The following PDZD2 variants were observed in gnomAD, a reference collection of about 807,000 sequenced individuals.
PDZD2 encodes the protein PDZ domain-containing protein 2.
Under a neutral mutation model 220.7 loss-of-function variants are expected in PDZD2, and 90 were observed. The observed-to-expected ratio is 0.41, with a 90% CI of 0.34 to 0.49. The LOEUF (loss-of-function observed/expected upper bound fraction) is 0.49. Ranked by LOEUF, PDZD2 falls within the 20% of genes least tolerant of loss-of-function variation. PDZD2 has a pLI of 0.28. For missense variants in PDZD2, 3,174 were observed against 3,608.5 expected (o/e 0.88, Z 3.08); for synonymous variants, 1,375 against 1,450.5 (o/e 0.95, Z 1.18).
At chr5:31,763,459 C>T (rs1305421632) in intron 1 of PDZD2, among the ~76,000 whole-genome samples, 2 of 152,048 alleles carry the variant, frequency 1.3e-5, no homozygotes, top group Non-Finnish European at 2.9e-5. Flanking sequence ...AACCACCTAC[C>T]GCAAGGACAG....
At position 31,983,636 on chromosome 5, in the gene PDZD2, TC is replaced by T. The variant is rs781430864; in HGVS notation, c.959del (p.Ser320Ter). 1 of 1,613,590 alleles carries T rather than the reference TC, an allele frequency of 6.2e-7. No homozygotes were observed. Among genetic ancestry groups the T allele is most frequent in the East Asian group, 2.2e-5 (1 of 44,868 alleles). On this transcript the variant is annotated frameshift_variant, in exon 3 of 25. Transcript: ENST00000438447. LOFTEE classifies it high-confidence loss of function. Reference sequence around the variant, plus strand: ...AAAAGGTGGGAAGACGGACTTCCAATCGAGTGACTGCCTGGCACGGGTAAGG... The same window carrying T: ...AAAAGGTGGGAAGACGGACTTCCAATGAGTGACTGCCTGGCACGGGTAAGG... Reference protein sequence around the residue: ...FSKGGKTDFQSSDCLAREEVG... With the variant: ...FSKGGKTDFQXSDCLAREEVG...
intron 2 of PDZD2, among the ~76,000 whole-genome samples, chr5:31,812,371 G>T (rs1039439953): frequency 2.0e-4 from 30 of 152,196 alleles, no homozygotes; most frequent in African/African-American, 6.8e-4. Context: ...TCGAATGTCA[G>T]AGAGTCCCAT....
chr5:31,645,737 A>G (rs971537961), intron 1 of PDZD2, among the ~76,000 whole-genome samples: 3 of 152,148 alleles, frequency 2.0e-5, no homozygotes, highest in African/African-American at 4.8e-5. Flanking sequence ...TCCTGGCCTC[A>G]GGACAGCCAT....
At chr5:31,966,325 C>T (rs1748753184) in intron 2 of PDZD2, among the ~76,000 whole-genome samples, 2 of 152,110 alleles carry the variant, frequency 1.3e-5, no homozygotes, top group African/African-American at 4.8e-5. Flanking sequence ...TTTATAAAAC[C>T]CACGTTAGTT....
chr5:31,943,110 G>A (rs1746349097), intron 2 of PDZD2, among the ~76,000 whole-genome samples: 1 of 152,080 alleles, frequency 6.6e-6, no homozygotes, highest in African/African-American at 2.4e-5. Flanking sequence ...GGCTGAGGCA[G>A]GAGAATCTCT....
rs1415028726 is a variant in PDZD2 at position 32,072,307 on chromosome 5, C to T, written c.2715C>T (p.Pro905=). The change falls in exon 17 of 25, where the codon CCC becomes CCT. Residue 905 remains proline (P), a synonymous_variant. Coordinates refer to ENST00000438447, the MANE Select transcript of PDZD2 (RefSeq NM_178140.4). ...CSTSEEGSLP[P]STSTHKEPGK... is the part of the protein sequence containing the mutation. ...CGTCGGAGGAGGGCAGCCTGCCTCCCAGCACCTCCAGTAAGCAGGGGTGCC... is the reference window on the plus strand; with the variant it reads ...CGTCGGAGGAGGGCAGCCTGCCTCCTAGCACCTCCAGTAAGCAGGGGTGCC... 1.2e-6 allele frequency: 2 copies of T among 1,611,790 alleles called. No homozygotes were observed. The highest frequency in any genetic ancestry group is 3.3e-5 in the Admixed American group (2 of 59,868).
At chr5:31,791,776 C>T (rs28420168) in intron 1 of PDZD2, among the ~76,000 whole-genome samples, 2,550 of 152,118 alleles carry the variant, frequency 0.017, 66 homozygotes, top group African/African-American at 0.058. Flanking sequence ...CTTTCCAGTC[C>T]GCAACTTTCA....
intron 4 of PDZD2, among the ~76,000 whole-genome samples, chr5:31,997,964 T>G (rs1194045701): frequency 6.6e-6 from 1 of 152,120 alleles, no homozygotes; most frequent in African/African-American, 2.4e-5. Context: ...TGCCTCCACC[T>G]CCCAAGTAGC....
At chr5:32,091,447 G>C (rs1187319689) in intron 20 of PDZD2, among the ~76,000 whole-genome samples, 1 of 151,802 alleles carries the variant, frequency 6.6e-6, no homozygotes, top group African/African-American at 2.4e-5. Context: ...ACCACACCTG[G>C]CTAATTTTTG....
intron 2 of PDZD2, among the ~76,000 whole-genome samples, chr5:31,966,117 C>T (rs1748725375): frequency 6.6e-6 from 1 of 152,130 alleles, no homozygotes; most frequent in Admixed American, 6.5e-5. Flanking sequence ...AGTTGAATCC[C>T]AGCTCTACTG....
intron 1 of PDZD2, among the ~76,000 whole-genome samples, chr5:31,771,381 G>C (rs1183641907): frequency 6.6e-6 from 1 of 152,212 alleles, no homozygotes; most frequent in Non-Finnish European, 1.5e-5. Flanking sequence ...TATGCATGGG[G>C]CACTGGGTTT....
intron 2 of PDZD2, among the ~76,000 whole-genome samples, chr5:31,899,610 GTTAC>G (rs1741902021): frequency 6.6e-6 from 1 of 152,212 alleles, no homozygotes; most frequent in Non-Finnish European, 1.5e-5. Context: ...CCTTGGATGA[GTTAC>G]TTATTTTCAC....
chr5:32,004,105 G>A (rs1274829519), intron 5 of PDZD2, among the ~76,000 whole-genome samples: 5 of 138,976 alleles, frequency 3.6e-5, no homozygotes, highest in Admixed American at 7.4e-5. Flanking sequence ...AAAAAAAAAG[G>A]TGGGGGGGCC....
At chr5:31,670,892 G>A (rs926298335) in intron 1 of PDZD2, among the ~76,000 whole-genome samples, 8 of 152,096 alleles carry the variant, frequency 5.3e-5, no homozygotes, top group African/African-American at 1.4e-4. Flanking sequence ...TCTGTGGATC[G>A]CTAAGAGTCT....
intron 3 of PDZD2, among the ~76,000 whole-genome samples, chr5:31,989,421 C>CTTT (rs869045113): frequency 1.5e-4 from 18 of 119,900 alleles, no homozygotes; most frequent in East Asian, 2.6e-4. Flanking sequence ...ATTTTCTTTT[C>CTTT]TTTTTTTTTT....
In PDZD2 at chr5:31,773,871, G is replaced by A. The variant is rs1206204064; in HGVS notation, c.-360-25018G>A. Among the ~76,000 whole-genome samples, 5 of 152,252 alleles carry A rather than the reference G, an allele frequency of 3.3e-5. No individual in the cohort carries two copies. The East Asian group carries it at 9.7e-4, about 29-fold the overall frequency. On this transcript the variant is annotated intron_variant, in intron 1 of 24. Coordinates refer to ENST00000438447, the MANE Select transcript of PDZD2 (RefSeq NM_178140.4). ...TGGGAGAGCACCCAATCATGGCAAG[G>A]ATACAGTGAGATCATAGATGGAAGA... is the stretch of plus-strand genomic sequence containing the variant.
At chr5:31,705,702 A>T (rs1420006312) in intron 1 of PDZD2, among the ~76,000 whole-genome samples, 1 of 152,250 alleles carries the variant, frequency 6.6e-6, no homozygotes, top group East Asian at 1.9e-4. Context: ...AAATGGAAGA[A>T]ATCAGGGCAA....
At chr5:31,687,933 C>A (rs903316889) in intron 1 of PDZD2, among the ~76,000 whole-genome samples, 1 of 152,172 alleles carries the variant, frequency 6.6e-6, no homozygotes, top group East Asian at 1.9e-4. Flanking sequence ...AGGGCTTAAG[C>A]ATATGAATTC....
chr5:31,683,222 AAAAG>A (rs1561381620), intron 1 of PDZD2, among the ~76,000 whole-genome samples: 9 of 148,622 alleles, frequency 6.1e-5, no homozygotes, highest in African/African-American at 1.3e-4. Context: ...AAAAAAAAAA[AAAAG>A]AAAGAAAGAA....
Sources: gnomAD v4.1 joint callset for allele counts (sites outside exome capture counted in the v4.1 genomes callset) on GRCh38, gnomAD v4.1.1 for gene constraint, MANE v1.5 for transcripts, NCBI Gene and HGNC (gene_info 2026-07-23, HGNC 2026-07-21) for gene names.